PDLIM5: variants seen among roughly 807,000 people sequenced by gnomAD.
PDLIM5 encodes the protein PDZ and LIM domain 5.
In PDLIM5, 34 loss-of-function variants were observed where a neutral mutation model predicts 64.2. The ratio of observed to expected loss-of-function variants is 0.53; its 90% CI spans 0.40 to 0.71. The LOEUF (loss-of-function observed/expected upper bound fraction) is 0.71. Ranked by LOEUF, PDLIM5 falls within the 30% of genes least tolerant of loss-of-function variation. The probability of loss-of-function intolerance (pLI) is 0.00; values close to 1 mark genes in which losing one functional copy is unlikely to be tolerated. For missense variants in PDLIM5, 683 were observed against 733.6 expected (o/e 0.93, Z 0.80); for synonymous variants, 253 against 269.1 (o/e 0.94, Z 0.59).
chr4:94,621,070 CAAAAAAAAAAAAAAAA>C (rs10526750), intron 8 of PDLIM5, among the ~76,000 whole-genome samples: 3 of 81,608 alleles, frequency 3.7e-5, no homozygotes, highest in South Asian at 7.7e-4. Flanking sequence ...GACTCTGTCT[CAAAAAAAAAAAAAAAA>C]AAAAAAAAAA....
chr4:94,492,905 G>A (rs1420070339), intron 2 of PDLIM5, among the ~76,000 whole-genome samples: 1 of 152,054 alleles, frequency 6.6e-6, no homozygotes, highest in Admixed American at 6.6e-5. Context: ...GGAATTAGTG[G>A]GTCATATGGT....
At chr4:94,499,762 C>T (rs1405634543) in intron 2 of PDLIM5, among the ~76,000 whole-genome samples, 1 of 152,182 alleles carries the variant, frequency 6.6e-6, no homozygotes, top group Admixed American at 6.5e-5. Context: ...GCTCCGCCTC[C>T]TGTCAGACCA....
intron 3 of PDLIM5, among the ~76,000 whole-genome samples, chr4:94,525,599 A>T (rs755230591): frequency 9.9e-5 from 15 of 152,118 alleles, no homozygotes; most frequent in Non-Finnish European, 1.5e-4. Flanking sequence ...TAGTGAAAGG[A>T]TTTCTATAGG....
chr4:94,552,971 G>A (rs3133150), intron 3 of PDLIM5, among the ~76,000 whole-genome samples: 38,131 of 151,772 alleles, frequency 0.25, 5,396 homozygotes, highest in East Asian at 0.41. Flanking sequence ...GAAGTATAGT[G>A]TCAACTAATA....
At chr4:94,461,432 A>G (rs1723870342) in intron 2 of PDLIM5, among the ~76,000 whole-genome samples, 1 of 152,154 alleles carries the variant, frequency 6.6e-6, no homozygotes, top group African/African-American at 2.4e-5. Flanking sequence ...GTGTTGGGCC[A>G]CTATATAGTC....
chr4:94,468,078 T>C lies in PDLIM5; in HGVS notation c.96+12694T>C, dbSNP rs149857053. On this transcript the variant is annotated intron_variant, in intron 2 of 12. Transcript: ENST00000317968. ...TTTAATTATGAAGTAAGGAAACTGA[T>C]TTTTGTATGACTTGATGGTGGGATT... 1.9e-4 allele frequency among the ~76,000 whole-genome samples: 29 copies of C among 152,350 alleles called. No individual in the cohort carries two copies. The East Asian group carries it at 4.8e-3, about 25-fold the overall frequency.
intron 3 of PDLIM5, among the ~76,000 whole-genome samples, chr4:94,542,649 AT>A (rs1485031287): frequency 6.6e-6 from 1 of 152,172 alleles, no homozygotes; most frequent in African/African-American, 2.4e-5. Flanking sequence ...TACACAAGCA[AT>A]ATTTCACTTG....
At chr4:94,460,633 GA>G (rs1310274779) in intron 2 of PDLIM5, among the ~76,000 whole-genome samples, 3,290 of 132,654 alleles carry the variant, frequency 0.025, 95 homozygotes, top group African/African-American at 0.078. Flanking sequence ...AAAAAAAAAA[GA>G]AAAAAAAAAA....
chr4:94,538,234 T>C (rs979044290), intron 3 of PDLIM5, among the ~76,000 whole-genome samples: 5 of 152,246 alleles, frequency 3.3e-5, no homozygotes, highest in African/African-American at 1.2e-4. Context: ...AGCTTTAATA[T>C]GATCTTCATC....
intron 7 of PDLIM5, chr4:94,610,213 T>C: frequency 6.6e-7 from 1 of 1,522,304 alleles, no homozygotes; most frequent in East Asian, 2.5e-5. Context: ...TTTTCGAAAC[T>C]TTTCTACCTT....
chr4:94,573,559 A>G, intron 4 of PDLIM5, 166 bp downstream of exon 4: 2 of 717,996 alleles, frequency 2.8e-6, no homozygotes, highest in South Asian at 3.0e-5. Context: ...AATGGAGATC[A>G]GCACATACCA....
chr4:94,610,973 C>T (rs1427360598), intron 7 of PDLIM5: 10 of 878,034 alleles, frequency 1.1e-5, no homozygotes, highest in South Asian at 1.6e-5. Context: ...CCCTCTCTCT[C>T]GTAAAGGAAA....
intron 7 of PDLIM5, among the ~76,000 whole-genome samples, 158 bp from the exon 8 acceptor site, chr4:94,617,844 AAG>A (rs1738910959): frequency 6.6e-6 from 1 of 152,116 alleles, no homozygotes; most frequent in Non-Finnish European, 1.5e-5. Flanking sequence ...TTCAGTTTTA[AAG>A]AGAGGCAATC....
chr4:94,494,432 G>GGTTTT lies in PDLIM5; in HGVS notation c.97-29292_97-29291insGTTTT, dbSNP rs1553940971. On this transcript the variant is annotated intron_variant, in intron 2 of 12. Transcript: ENST00000317968. Reference sequence around the variant, plus strand: ...AGCATTCACTAATTTTTTTTTTCTTGTTTTTTTTTTTTTTTTTTTTTTTTG... The same window carrying GGTTTT: ...AGCATTCACTAATTTTTTTTTTCTTGGTTTTTTTTTTTTTTTTTTTTTTTTTTTTG... Among the ~76,000 whole-genome samples, 13 of 70,770 alleles carry GGTTTT rather than the reference G, an allele frequency of 1.8e-4. 2 individuals are homozygous for GGTTTT. Among genetic ancestry groups the GGTTTT allele is most frequent in the East Asian group, 4.9e-4 (1 of 2,044 alleles). The allele number at this position is 70,770 out of a possible 152,430, so 46.4% of individuals were successfully genotyped here.
chr4:94,499,156 C>T (rs1027162973), intron 2 of PDLIM5, among the ~76,000 whole-genome samples: 13 of 152,028 alleles, frequency 8.6e-5, no homozygotes, highest in East Asian at 1.9e-4. Context: ...CTGGAAAAAG[C>T]GAAGCCTTCT....
Position 94,573,347 on chromosome 4 carries a change from T to TC in PDLIM5, c.249-3dup, listed in dbSNP as rs1734968352. On this transcript the variant is annotated splice_region_variant and splice_polypyrimidine_tract_variant and intron_variant, in intron 3 of 12. Coordinates refer to ENST00000317968, the MANE Select transcript of PDLIM5 (RefSeq NM_006457.5). The stretch of plus-strand genomic sequence containing the variant: ...TTTTTCTTTTTCTTTCTTTTTTTCC[T>TC]CAGAGCATCTGCTGCACCCAAGCCT... 1 of 1,609,198 alleles carries TC rather than the reference T, an allele frequency of 6.2e-7. No individual in the cohort carries two copies.
rs1362302559 is a variant in PDLIM5 at position 94,664,312 on chromosome 4, C to G, written c.*245C>G. ...GCCCATAAAATAAGCTTTATAAAAACCAATTTCCTGATGGACTATTAAATT... is the reference window on the plus strand; with the variant it reads ...GCCCATAAAATAAGCTTTATAAAAAGCAATTTCCTGATGGACTATTAAATT... On this transcript the variant is annotated 3_prime_UTR_variant, in exon 13 of 13. Transcript: ENST00000317968. 1 of 804,140 alleles carries G rather than the reference C, an allele frequency of 1.2e-6. No homozygotes were observed. The highest frequency in any genetic ancestry group is 7.1e-5 in the East Asian group (1 of 14,124). 49.8% of individuals were successfully genotyped at this position (804,140 alleles called of 1,614,324 possible).
At chr4:94,526,706 G>A (rs1420351683) in intron 3 of PDLIM5, among the ~76,000 whole-genome samples, 9 of 150,296 alleles carry the variant, frequency 6.0e-5, no homozygotes, top group African/African-American at 7.3e-5. Context: ...AAGTAAGTAT[G>A]TTTTCCAAGT....
chr4:94,544,350 G>A (rs375791897), intron 3 of PDLIM5, among the ~76,000 whole-genome samples: 122 of 152,152 alleles, frequency 8.0e-4, no homozygotes, highest in African/African-American at 2.8e-3. Flanking sequence ...CATCTCTTTG[G>A]GGGGCCACCA....
Sources: gnomAD v4.1 joint callset for allele counts (sites outside exome capture counted in the v4.1 genomes callset) on GRCh38, gnomAD v4.1.1 for gene constraint, MANE v1.5 for transcripts, NCBI Gene and HGNC (gene_info 2026-07-23, HGNC 2026-07-21) for gene names.